Variants in ZNF536 observed in about 807,000 individuals in gnomAD.
ZNF536 encodes the protein zinc finger protein 536.
ZNF536 carries 13 observed loss-of-function variants against 84.5 expected under a neutral mutation model. The observed-to-expected ratio is 0.15, with a 90% CI of 0.10 to 0.24. The LOEUF (loss-of-function observed/expected upper bound fraction) is 0.24, where lower values mean the gene tolerates loss of function less well. Ranked by LOEUF, ZNF536 falls within the 10% of genes least tolerant of loss-of-function variation. The pLI is 1.00. For missense variants in ZNF536, 1,536 were observed against 1,747.5 expected, an observed-to-expected ratio of 0.88 and a Z score of 2.16; for synonymous variants, 811 against 742.5, an observed-to-expected ratio of 1.09 and a Z score of -1.50.
chr19:30,415,935 G>A (rs2050713128), intron 1 of ZNF536, among the ~76,000 whole-genome samples: 1 of 152,074 alleles, frequency 6.6e-6, no homozygotes, highest in South Asian at 2.1e-4. Context: ...TCAATCCTTA[G>A]CTCGCTTGTT....
chr19:30,431,195 C>G (rs1406523689), intron 1 of ZNF536, among the ~76,000 whole-genome samples: 4 of 152,176 alleles, frequency 2.6e-5, no homozygotes, highest in Admixed American at 2.0e-4. Context: ...CCAGCTCCCC[C>G]AGAACCTGCG....
intron 1 of ZNF536, among the ~76,000 whole-genome samples, chr19:30,438,161 T>C (rs1007958489): frequency 2.0e-5 from 3 of 152,136 alleles, no homozygotes; most frequent in Non-Finnish European, 1.5e-5. Flanking sequence ...TATTGCATAA[T>C]GCTGGGGATT....
At chr19:30,366,833 C>T (rs1239706350) in intron 3 of ZNF536, among the ~76,000 whole-genome samples, 1 of 152,190 alleles carries the variant, frequency 6.6e-6, no homozygotes. Flanking sequence ...AGCTAGAACA[C>T]CATTTGTTAG....
chr19:30,297,397 A>G (rs1181912090), intron 2 of ZNF536, among the ~76,000 whole-genome samples: 3 of 152,098 alleles, frequency 2.0e-5, no homozygotes, highest in Non-Finnish European at 4.4e-5. Context: ...CCCACGTTTG[A>G]TCTTAAGCCA....
intron 1 of ZNF536, among the ~76,000 whole-genome samples, chr19:30,400,027 G>A (rs961307354): frequency 1.3e-5 from 2 of 152,130 alleles, no homozygotes; most frequent in African/African-American, 4.8e-5. Context: ...ATGCCCTTGA[G>A]CGCCATCTAT....
At chr19:30,280,292 A>G (rs149596494) in intron 1 of ZNF536, among the ~76,000 whole-genome samples, 94 of 146,424 alleles carry the variant, frequency 6.4e-4, no homozygotes, top group African/African-American at 2.3e-3. Context: ...TTTTGCATCC[A>G]TCTTCATCCT....
At chr19:30,585,709 C>T (rs1370237907) in intron 1 of ZNF536, among the ~76,000 whole-genome samples, 2 of 152,156 alleles carry the variant, frequency 1.3e-5, no homozygotes, top group African/African-American at 4.8e-5. Context: ...TGCTATCTTT[C>T]TCATCTCCAA....
intron 1 of ZNF536, among the ~76,000 whole-genome samples, chr19:30,700,240 C>CCT (rs1555843554): frequency 9.2e-6 from 1 of 108,288 alleles, no homozygotes; most frequent in Admixed American, 9.5e-5. Flanking sequence ...TTCTTTCTTT[C>CCT]TCTCTCTCTC....
intron 2 of ZNF536, among the ~76,000 whole-genome samples, chr19:30,496,856 G>T (rs772690791): frequency 3.3e-5 from 5 of 152,088 alleles, no homozygotes; most frequent in Non-Finnish European, 7.4e-5. Flanking sequence ...GCTACGAGGG[G>T]CGAGGGGCAC....
intron 1 of ZNF536, among the ~76,000 whole-genome samples, chr19:30,275,386 A>G (rs1382159510): frequency 6.6e-6 from 1 of 152,226 alleles, no homozygotes; most frequent in Non-Finnish European, 1.5e-5. Context: ...GTAGGAACCC[A>G]GGTGCAGAAT....
chr19:30,248,127 AGG>A (rs1417503321), intron 1 of ZNF536, among the ~76,000 whole-genome samples: 2 of 152,228 alleles, frequency 1.3e-5, no homozygotes, highest in Non-Finnish European at 2.9e-5. Context: ...GAAGACAACA[AGG>A]AAATGACTGA....
intron 1 of ZNF536, among the ~76,000 whole-genome samples, chr19:30,608,761 G>A (rs956450984): frequency 1.1e-4 from 17 of 152,298 alleles, no homozygotes; most frequent in African/African-American, 4.1e-4. Flanking sequence ...AACTTATGTT[G>A]TGGAAATCTC....
chr19:30,618,864 G>T, intron 1 of ZNF536, among the ~76,000 whole-genome samples: 1 of 151,944 alleles, frequency 6.6e-6, no homozygotes, highest in East Asian at 1.9e-4. Context: ...CCCAAAGTCT[G>T]CATTCCTTTA....
intron 1 of ZNF536, among the ~76,000 whole-genome samples, chr19:30,649,549 CTTTT>C (rs35137042): frequency 1.2e-4 from 15 of 123,858 alleles, no homozygotes; most frequent in Non-Finnish European, 1.9e-4. Flanking sequence ...CAGCATTTTC[CTTTT>C]TTTTTTTTTT....
chr19:30,308,661 C>T (rs577141746), intron 2 of ZNF536, among the ~76,000 whole-genome samples: 1 of 152,240 alleles, frequency 6.6e-6, no homozygotes, highest in East Asian at 1.9e-4. Context: ...GCTAGGAAAG[C>T]CAGTGAGAGT....
At position 30,445,112 on chromosome 19, in the gene ZNF536, C is replaced by A. The variant is rs1450067641; in HGVS notation, c.1550C>A (p.Pro517His). ...QAAAKAAEMDPVNSYQAWQLM... is the reference protein window; with the variant it reads ...QAAAKAAEMDHVNSYQAWQLM... ...GCTGCCAAGGCTGCGGAGATGGACCCCGTGAACAGCTACCAGGCTTGGCAG... is the reference window on the plus strand; with the variant it reads ...GCTGCCAAGGCTGCGGAGATGGACCACGTGAACAGCTACCAGGCTTGGCAG... The change falls in exon 2 of 5, where the codon CCC (proline) becomes CAC (histidine). Residue 517 changes from proline to histidine, a missense_variant. This residue lies in a region of ZNF536 where 366 missense variants were observed against 364.4 expected (regional missense o/e 1.00). Transcript: ENST00000355537. The surrounding 1 kb of genome is among the most constrained non-coding windows in gnomAD (Gnocchi z 4.5). The A allele has an allele frequency of 6.2e-7, 1 of 1,613,922 alleles. No individual in the cohort carries two copies. The highest frequency in any genetic ancestry group is 1.7e-5 in the Admixed American group (1 of 60,026).
At chr19:30,226,619 C>A, upstream of ZNF536, among the ~76,000 whole-genome samples, 1 of 152,104 alleles carries the variant, frequency 6.6e-6, no homozygotes, top group East Asian at 1.9e-4. This position sits in a 1 kb window ranked among gnomAD's most constrained non-coding sequence, Gnocchi z 4.6. Flanking sequence ...GCGGCGCCCG[C>A]AGCACCTGCC....
At chr19:30,293,640 A>G (rs2045910878) in intron 2 of ZNF536, among the ~76,000 whole-genome samples, 1 of 152,114 alleles carries the variant, frequency 6.6e-6, no homozygotes, top group Non-Finnish European at 1.5e-5. Context: ...GCAGAGCTGG[A>G]CTCTTACCCT....
chr19:30,321,382 C>A (rs953964668), intron 2 of ZNF536, among the ~76,000 whole-genome samples: 1 of 152,104 alleles, frequency 6.6e-6, no homozygotes, highest in Non-Finnish European at 1.5e-5. Flanking sequence ...CACGTTGAAA[C>A]CCCGTCTCTA....
Sources: allele counts gnomAD v4.1 joint callset (sites outside exome capture counted in the v4.1 genomes callset), GRCh38; gene constraint gnomAD v4.1.1; regional missense constraint gnomAD v4.1.1; non-coding constraint Gnocchi (gnomAD v3.1); transcripts MANE v1.5; gene names NCBI Gene and HGNC (gene_info 2026-07-23, HGNC 2026-07-21).